Variants in TNRC6C observed in about 807,000 individuals in gnomAD.
TNRC6C encodes the protein trinucleotide repeat containing adaptor 6C.
In TNRC6C, 20 loss-of-function variants were observed where a neutral mutation model predicts 153.7. That is an observed-to-expected ratio of 0.13 (90% confidence interval 0.09 to 0.19). The LOEUF (loss-of-function observed/expected upper bound fraction) is 0.19. Among genes scored for constraint, TNRC6C ranks in the 10% least tolerant of loss-of-function variants. The pLI is 1.00. For synonymous variants in TNRC6C, 811 were observed against 841.4 expected (o/e 0.96, Z 0.63); for missense variants, 1,987 against 2,172.0 (o/e 0.91, Z 1.69).
chr17:77,961,312 C>G (rs1254305749), intron 1 of TNRC6C, among the ~76,000 whole-genome samples: 2 of 152,130 alleles, frequency 1.3e-5, no homozygotes, highest in African/African-American at 2.4e-5. Flanking sequence ...CCCGCCGCCA[C>G]GCCCGGCTAA....
chr17:78,005,034 T>TTC, upstream of TNRC6C: 4 of 1,213,802 alleles, frequency 3.3e-6, no homozygotes, highest in Non-Finnish European at 4.1e-6. Context: ...CTTTCTTTCT[T>TTC]TCTCTCTCTT....
At chr17:77,988,291 G>A (rs1260403789) in intron 1 of TNRC6C, among the ~76,000 whole-genome samples, 6 of 152,136 alleles carry the variant, frequency 3.9e-5, no homozygotes, top group Non-Finnish European at 7.4e-5. Context: ...AGGTGGGAGA[G>A]TCACTTGAGC....
chr17:78,030,761 G>T (rs1200449185), intron 1 of TNRC6C, among the ~76,000 whole-genome samples: 1 of 152,082 alleles, frequency 6.6e-6, no homozygotes, highest in African/African-American at 2.4e-5. Context: ...TCATAGAGAG[G>T]TGCTGGAACC....
intron 1 of TNRC6C, among the ~76,000 whole-genome samples, chr17:77,991,058 C>A (rs376350358): frequency 6.6e-6 from 1 of 152,066 alleles, no homozygotes; most frequent in Non-Finnish European, 1.5e-5. Flanking sequence ...TATAAAAGTT[C>A]GTATTTTATA....
chr17:77,978,664 G>C (rs1291052629), intron 1 of TNRC6C, among the ~76,000 whole-genome samples: 4 of 152,132 alleles, frequency 2.6e-5, no homozygotes, highest in Non-Finnish European at 5.9e-5. Flanking sequence ...GAGCAGCTAA[G>C]CAGAGTTTTC....
At chr17:77,960,429 G>A (rs2070852228) in intron 1 of TNRC6C, among the ~76,000 whole-genome samples, 1 of 152,182 alleles carries the variant, frequency 6.6e-6, no homozygotes, top group Admixed American at 6.5e-5. Context: ...AGCCTCGTAC[G>A]TCCCTGAATG....
intron 14 of TNRC6C, among the ~76,000 whole-genome samples, chr17:78,092,317 T>G (rs958167718): frequency 6.6e-6 from 1 of 152,212 alleles, no homozygotes; most frequent in African/African-American, 2.4e-5. Context: ...GCAGGAGGGC[T>G]CTGCTGCCTG....
At position 78,077,167 on chromosome 17, in the gene TNRC6C, CT is replaced by C; in HGVS notation, c.3061-15del. On this transcript the variant is annotated splice_polypyrimidine_tract_variant and intron_variant, in intron 8 of 19. Coordinates refer to ENST00000301624, the Ensembl canonical transcript of TNRC6C. ...TGATGGACACTGCACACAGCTCACCCTTTCTTTCTCCAATCAGGATGGCGGC... is the reference window on the plus strand; with the variant it reads ...TGATGGACACTGCACACAGCTCACCCTTCTTTCTCCAATCAGGATGGCGGC... 2.5e-6 allele frequency: 4 copies of C among 1,595,260 alleles called. No homozygotes were observed. The highest frequency in any genetic ancestry group is 4.3e-4 in the Middle Eastern group (2 of 4,664).
At chr17:78,030,150 CTTTTT>C (rs373605701) in intron 1 of TNRC6C, among the ~76,000 whole-genome samples, 2 of 149,350 alleles carry the variant, frequency 1.3e-5, no homozygotes, top group Non-Finnish European at 3.0e-5. Context: ...ATGTGCTAGA[CTTTTT>C]TTTTTGTTTT....
At chr17:78,036,646 G>A (rs922156644) in intron 2 of TNRC6C, among the ~76,000 whole-genome samples, 22 of 152,170 alleles carry the variant, frequency 1.4e-4, no homozygotes, top group African/African-American at 4.3e-4. Context: ...TACATAGGCC[G>A]GGCGCGTTGG....
At chr17:78,078,861 G>A (rs754301770) in intron 9 of TNRC6C, among the ~76,000 whole-genome samples, 6 of 152,098 alleles carry the variant, frequency 3.9e-5, no homozygotes, top group Non-Finnish European at 7.4e-5. Context: ...GGGAGGCCGA[G>A]GCAGGTGGAT....
intron 1 of TNRC6C, among the ~76,000 whole-genome samples, chr17:78,014,754 A>T (rs2071697589): frequency 6.6e-6 from 1 of 151,762 alleles, no homozygotes; most frequent in Non-Finnish European, 1.5e-5. Flanking sequence ...TGTAGTTTGT[A>T]GTTAATGAGT....
At chr17:78,002,960 G>C (rs2143170149), upstream of TNRC6C, among the ~76,000 whole-genome samples, 2 of 152,244 alleles carry the variant, frequency 1.3e-5, 1 homozygote, top group South Asian at 4.2e-4. Context: ...TCAGGAAATG[G>C]GAAGATTCAG....
At chr17:78,013,235 T>C (rs1230481001) in intron 1 of TNRC6C, among the ~76,000 whole-genome samples, 4 of 152,106 alleles carry the variant, frequency 2.6e-5, no homozygotes, top group Non-Finnish European at 4.4e-5. Context: ...GAGGGAGCCA[T>C]TGGAGAGTTT....
chr17:78,059,275 C>T (rs1184116921), intron 3 of TNRC6C, among the ~76,000 whole-genome samples: 1 of 152,198 alleles, frequency 6.6e-6, no homozygotes, highest in Non-Finnish European at 1.5e-5. Flanking sequence ...GCAGTAGTTA[C>T]TAAAAGAGAA....
At chr17:78,093,283 T>A in intron 15 of TNRC6C, 159 bp downstream of exon 17, 1 of 897,856 alleles carries the variant, frequency 1.1e-6, no homozygotes, top group Non-Finnish European at 1.6e-6. Flanking sequence ...ATTTGTCAGA[T>A]CAATTTTGGG....
At chr17:78,050,211 C>T (rs753174079) in exon 3 of TNRC6C, 2 of 1,538,796 alleles carry the variant, frequency 1.3e-6, no homozygotes, top group Admixed American at 4.1e-5. Flanking sequence ...AACACATGAA[C>T]TCCTGGGCCA....
upstream of TNRC6C, chr17:78,004,091 T>C (rs149698004): frequency 4.1e-4 from 509 of 1,228,990 alleles, 2 homozygotes; most frequent in African/African-American, 6.7e-3. Context: ...TGACTTAAGA[T>C]TTGGAGCAGC....
At chr17:78,047,964 G>C (rs2072442952) in intron 2 of TNRC6C, among the ~76,000 whole-genome samples, 1 of 152,042 alleles carries the variant, frequency 6.6e-6, no homozygotes, top group African/African-American at 2.4e-5. Context: ...TTCTTTAAAA[G>C]GACCCGAAGA....
Sources: gnomAD v4.1 joint callset for allele counts (sites outside exome capture counted in the v4.1 genomes callset) on GRCh38, gnomAD v4.1.1 for gene constraint, MANE v1.5 for transcripts, NCBI Gene and HGNC (gene_info 2026-07-23, HGNC 2026-07-21) for gene names.